Variants in ADCY2 observed in about 807,000 individuals in gnomAD.
ADCY2 encodes the protein adenylate cyclase 2.
In ADCY2, 31 loss-of-function variants were observed where a neutral mutation model predicts 125.2. That is an observed-to-expected ratio of 0.25 (90% CI 0.19 to 0.33). The LOEUF (loss-of-function observed/expected upper bound fraction) is 0.33. Ranked by LOEUF, ADCY2 falls within the 10% of genes least tolerant of loss-of-function variation. The pLI is 1.00. For missense variants in ADCY2, 904 were observed against 1,418.2 expected, an observed-to-expected ratio of 0.64 and a Z score of 5.82; for synonymous variants, 512 against 548.4, an observed-to-expected ratio of 0.93 and a Z score of 0.93.
intron 2 of ADCY2, among the ~76,000 whole-genome samples, chr5:7,495,743 A>C (rs970143056): frequency 2.0e-4 from 31 of 152,326 alleles, no homozygotes; most frequent in Admixed American, 6.5e-4. Flanking sequence ...GAGTATGCTA[A>C]ATCTGAACAT....
intron 4 of ADCY2, among the ~76,000 whole-genome samples, chr5:7,651,585 C>G (rs1739092627): frequency 6.6e-6 from 1 of 152,120 alleles, no homozygotes; most frequent in African/African-American, 2.4e-5. Flanking sequence ...TCTGGCCGCG[C>G]TGGCAGCTGA....
chr5:7,536,325 C>A (rs1345713290), intron 3 of ADCY2, among the ~76,000 whole-genome samples: 1 of 151,834 alleles, frequency 6.6e-6, no homozygotes, highest in African/African-American at 2.4e-5. Flanking sequence ...GCAGATTTGG[C>A]CATTACAGTA....
chr5:7,744,973 T>C (rs1427310069), intron 15 of ADCY2, among the ~76,000 whole-genome samples: 1 of 152,222 alleles, frequency 6.6e-6, no homozygotes, highest in Admixed American at 6.5e-5. Flanking sequence ...CTCCTGAGGT[T>C]TGTGGCCTGT....
chr5:7,656,799 G>C (rs1029579264), intron 4 of ADCY2, among the ~76,000 whole-genome samples: 1 of 152,198 alleles, frequency 6.6e-6, no homozygotes, highest in African/African-American at 2.4e-5. Flanking sequence ...ATAGTCCCTA[G>C]GAATGAAAGC....
At chr5:7,525,356 G>A (rs1178830694) in intron 3 of ADCY2, among the ~76,000 whole-genome samples, 2 of 152,064 alleles carry the variant, frequency 1.3e-5, no homozygotes, top group Non-Finnish European at 2.9e-5. Flanking sequence ...TTGTGCAGTG[G>A]GCGCCTCTTC....
chr5:7,820,930 C>G (rs1327423548), intron 24 of ADCY2, among the ~76,000 whole-genome samples: 2 of 152,172 alleles, frequency 1.3e-5, no homozygotes, highest in Middle Eastern at 3.2e-3. Context: ...AATGATCCAG[C>G]AGCAACCAGC....
intron 22 of ADCY2, 46 bp downstream of exon 22, chr5:7,804,738 A>G (rs1368323859): frequency 6.9e-7 from 1 of 1,451,712 alleles, no homozygotes; most frequent in East Asian, 2.3e-5. Flanking sequence ...CCTCAACCCC[A>G]TCCACAAACC....
chr5:7,551,013 C>CCTCT (rs146565973), intron 3 of ADCY2, among the ~76,000 whole-genome samples: 11,819 of 147,116 alleles, frequency 0.08, 697 homozygotes, highest in Non-Finnish European at 0.13. Context: ...TCCCTTCTTC[C>CCTCT]CTCCCTCCCT....
intron 4 of ADCY2, among the ~76,000 whole-genome samples, chr5:7,680,342 G>A (rs999879783): frequency 9.2e-5 from 14 of 152,174 alleles, no homozygotes; most frequent in African/African-American, 2.2e-4. Context: ...GAGCCATGTC[G>A]CTCAAAATGC....
intron 9 of ADCY2, chr5:7,708,123 T>C (rs1436036527): frequency 1.2e-5 from 3 of 254,578 alleles, no homozygotes; most frequent in South Asian, 1.1e-4. Flanking sequence ...TGGTGGATGC[T>C]GCATCTGAAA....
At chr5:7,501,134 A>ATTTTT (rs1233056378) in intron 2 of ADCY2, among the ~76,000 whole-genome samples, 250 of 147,134 alleles carry the variant, frequency 1.7e-3, no homozygotes, top group Middle Eastern at 0.014. Flanking sequence ...TTTTTTTTAA[A>ATTTTT]AAAAAAAAAA....
At chr5:7,703,530 G>T (rs186634077) in intron 7 of ADCY2, among the ~76,000 whole-genome samples, 2,419 of 152,202 alleles carry the variant, frequency 0.016, 76 homozygotes, top group African/African-American at 0.056. Flanking sequence ...AGATCAGATG[G>T]TTGTAGATGT....
intron 18 of ADCY2, among the ~76,000 whole-genome samples, chr5:7,781,124 G>T (rs1743910334): frequency 6.6e-6 from 1 of 152,110 alleles, no homozygotes; most frequent in Admixed American, 6.6e-5. Flanking sequence ...CTCAATGACG[G>T]TGCCACCCTA....
intron 3 of ADCY2, among the ~76,000 whole-genome samples, chr5:7,585,050 GGCTAT>G (rs1447409302): frequency 6.6e-6 from 1 of 152,044 alleles, no homozygotes; most frequent in Non-Finnish European, 1.5e-5. Flanking sequence ...TATTACAGGG[GGCTAT>G]GGGCACAGAC....
intron 12 of ADCY2, among the ~76,000 whole-genome samples, chr5:7,724,001 T>A (rs1741853591): frequency 1.6e-5 from 2 of 128,206 alleles, no homozygotes; most frequent in African/African-American, 6.1e-5. Flanking sequence ...ATGAAAAAAA[T>A]GACAATGAAA....
intron 3 of ADCY2, among the ~76,000 whole-genome samples, chr5:7,582,743 G>A (rs1043107757): frequency 1.4e-4 from 21 of 151,868 alleles, no homozygotes; most frequent in African/African-American, 5.1e-4. Flanking sequence ...ACTGAAAAAG[G>A]GCATATATGA....
intron 4 of ADCY2, among the ~76,000 whole-genome samples, chr5:7,673,056 A>G (rs1739986990): frequency 6.6e-6 from 1 of 151,418 alleles, no homozygotes; most frequent in African/African-American, 2.4e-5. Flanking sequence ...TATATCATGT[A>G]ATTTTATTAA....
intron 2 of ADCY2, among the ~76,000 whole-genome samples, chr5:7,469,150 A>G (rs1307167161): frequency 6.6e-6 from 1 of 151,992 alleles, no homozygotes; most frequent in African/African-American, 2.4e-5. Flanking sequence ...TTTTTGCAGA[A>G]AATTTATAAC....
chr5:7,413,599 GT>G (rs552814045), intron 1 of ADCY2, among the ~76,000 whole-genome samples: 31 of 147,890 alleles, frequency 2.1e-4, no homozygotes, highest in African/African-American at 3.0e-4. Context: ...CACCCGGCCG[GT>G]TTTTTTTTTT....
Sources: gnomAD v4.1 joint callset for allele counts (sites outside exome capture counted in the v4.1 genomes callset) on GRCh38, gnomAD v4.1.1 for gene constraint, MANE v1.5 for transcripts, NCBI Gene and HGNC (gene_info 2026-07-23, HGNC 2026-07-21) for gene names.